CYREN: variants seen among roughly 807,000 people sequenced by gnomAD.
The protein encoded by CYREN is cell cycle regulator of non-homologous end joining.
A neutral mutation model predicts 9.7 loss-of-function variants in CYREN; 7 were observed. The ratio of observed to expected loss-of-function variants is 0.72; its 90% CI spans 0.41 to 1.36. The LOEUF (loss-of-function observed/expected upper bound fraction) is 1.36, where lower values mean the gene tolerates loss of function less well. Among genes scored for constraint, CYREN ranks in the 40% most tolerant of loss-of-function variants. The pLI is 0.01. For synonymous variants in CYREN, 76 were observed against 77.9 expected (o/e 0.98, Z 0.13); for missense variants, 215 against 198.1 (o/e 1.09, Z -0.51).
At chr7:135,171,326 T>TA (rs5887722), upstream of CYREN, among the ~76,000 whole-genome samples, 3 of 149,198 alleles carry the variant, frequency 2.0e-5, no homozygotes, top group Admixed American at 6.6e-5. Flanking sequence ...TTTTTTTTTT[T>TA]AAAAAAAAAA....
downstream of CYREN, chr7:135,164,630 G>A (rs1372992655): frequency 3.7e-6 from 6 of 1,613,634 alleles, no homozygotes; most frequent in Non-Finnish European, 5.1e-6. Context: ...GCACCCTACA[G>A]TGTCACCAGT....
upstream of CYREN, among the ~76,000 whole-genome samples, chr7:135,171,613 C>T (rs144275656): frequency 7.2e-5 from 11 of 152,314 alleles, no homozygotes; most frequent in African/African-American, 2.6e-4. Context: ...CTCTTAAAAG[C>T]GACAGAAATT....
downstream of CYREN, chr7:135,165,749 A>G (rs1278446053): frequency 6.0e-6 from 1 of 167,130 alleles, no homozygotes; most frequent in Admixed American, 6.5e-5. Flanking sequence ...TCCACTTCCC[A>G]ACCCAGAACT....
chr7:135,132,639 A>G (rs1562910031), intron 2 of CYREN, among the ~76,000 whole-genome samples: 1 of 152,170 alleles, frequency 6.6e-6, no homozygotes, highest in Non-Finnish European at 1.5e-5. Flanking sequence ...GAATCACGGG[A>G]ACAGTTTCCC....
intron 2 of CYREN, chr7:135,168,477 G>C (rs766425107): frequency 1.0e-4 from 46 of 440,362 alleles, no homozygotes; most frequent in Non-Finnish European, 1.5e-4. Context: ...CATGTTTGTT[G>C]TAAAGGAAGA....
intron 2 of CYREN, among the ~76,000 whole-genome samples, chr7:135,118,121 C>A (rs565726266): frequency 6.6e-6 from 1 of 152,212 alleles, no homozygotes; most frequent in Non-Finnish European, 1.5e-5. Flanking sequence ...CCATGAGTAG[C>A]TTTGTACTTT....
At chr7:135,139,682 T>C (rs1410824148) in intron 2 of CYREN, among the ~76,000 whole-genome samples, 1 of 152,154 alleles carries the variant, frequency 6.6e-6, no homozygotes, top group African/African-American at 2.4e-5. Context: ...CCAGGTTTTC[T>C]TCTATGCTTT....
chr7:135,094,495 A>T, exon 3 of CYREN: 1 of 456,690 alleles, frequency 2.2e-6, no homozygotes, highest in South Asian at 1.5e-5. Context: ...TGGTGGCCAT[A>T]GTCTTGTCTG....
intron 2 of CYREN, among the ~76,000 whole-genome samples, chr7:135,100,253 A>T (rs923195064): frequency 2.6e-5 from 4 of 152,014 alleles, no homozygotes; most frequent in Non-Finnish European, 4.4e-5. Context: ...AATGAATGAC[A>T]ATCAAATGCT....
At chr7:135,093,206 A>G (rs1011142481) in exon 3 of CYREN, 1 of 152,086 alleles carries the variant, frequency 6.6e-6, no homozygotes, top group African/African-American at 2.4e-5. Flanking sequence ...CAAGAAAAAA[A>G]AAAAGGCATC....
chr7:135,168,648 A>G, intron 2 of CYREN, 138 bp downstream of exon 2: 1 of 1,356,914 alleles, frequency 7.4e-7, no homozygotes, highest in East Asian at 2.4e-5. Context: ...TCCACCTTCT[A>G]AAAGCTCAAG....
At chr7:135,096,584 C>CAGATAGATAGATAGATACATAG (rs1822810155) in intron 2 of CYREN, among the ~76,000 whole-genome samples, 11 of 88,816 alleles carry the variant, frequency 1.2e-4, no homozygotes, top group African/African-American at 4.3e-4. Flanking sequence ...TAGATAGATA[C>CAGATAGATAGATAGATACATAG]ATAGATAGAT....
Position 135,166,708 on chromosome 7 carries a change from T to C in CYREN, c.377A>G (p.Gln126Arg). 1 of 1,613,494 alleles carries C rather than the reference T, an allele frequency of 6.2e-7. No individual in the cohort carries two copies. The highest frequency in any genetic ancestry group is 8.5e-7 in the Non-Finnish European group (1 of 1,180,028). ...QALAPGLSPSQRPGGSSSACS... is the reference protein window; with the variant it reads ...QALAPGLSPSRRPGGSSSACS... Reference sequence around the variant, plus strand: ...GGCAGAGCTGGAACCCCCCGGCCTCTGGGAAGGGCTGAGGCCTGGAGCCAG... The same window carrying C: ...GGCAGAGCTGGAACCCCCCGGCCTCCGGGAAGGGCTGAGGCCTGGAGCCAG... The change falls in exon 4 of 4, where the codon CAG becomes CGG. Residue 126 changes from glutamine to arginine, a missense_variant. Transcript: ENST00000393114.
intron 2 of CYREN, among the ~76,000 whole-genome samples, chr7:135,120,024 C>G (rs1038122146): frequency 2.4e-4 from 37 of 152,072 alleles, no homozygotes; most frequent in African/African-American, 8.9e-4. Context: ...AACTTAGAAT[C>G]CTATACCCAG....
At chr7:135,116,542 T>A (rs1826338241) in intron 2 of CYREN, among the ~76,000 whole-genome samples, 1 of 152,216 alleles carries the variant, frequency 6.6e-6, no homozygotes, top group African/African-American at 2.4e-5. Context: ...AGGTACTTCA[T>A]TTCTGTCCAT....
chr7:135,163,124 G>A (rs537359724), downstream of CYREN, among the ~76,000 whole-genome samples: 17 of 152,318 alleles, frequency 1.1e-4, no homozygotes, highest in African/African-American at 3.8e-4. Context: ...TAGTAATAGT[G>A]TAATGGATGA....
At chr7:135,171,153 C>A (rs565079354), upstream of CYREN, among the ~76,000 whole-genome samples, 3 of 152,098 alleles carry the variant, frequency 2.0e-5, no homozygotes, top group African/African-American at 4.8e-5. Flanking sequence ...AATAGAATAG[C>A]GTAAGTACTA....
chr7:135,128,326 A>T (rs566361809), intron 2 of CYREN: 11 of 255,212 alleles, frequency 4.3e-5, no homozygotes, highest in African/African-American at 2.1e-4. Context: ...AAAACGAAAA[A>T]AAAAAACAAA....
At chr7:135,133,805 A>G (rs531100587) in intron 2 of CYREN, among the ~76,000 whole-genome samples, 1 of 152,196 alleles carries the variant, frequency 6.6e-6, no homozygotes, top group Admixed American at 6.5e-5. Context: ...TATAAGAGCC[A>G]TAAACTGGAA....
Sources: allele counts gnomAD v4.1 joint callset (sites outside exome capture counted in the v4.1 genomes callset), GRCh38; gene constraint gnomAD v4.1.1; transcripts MANE v1.5; gene names NCBI Gene and HGNC (gene_info 2026-07-23, HGNC 2026-07-21).